The following EPN2 variants were observed in gnomAD, a reference collection of about 807,000 sequenced individuals.
The protein encoded by EPN2 is epsin-2.
Under a neutral mutation model 61.7 loss-of-function variants are expected in EPN2, and 34 were observed. That is an observed-to-expected ratio of 0.55 (90% CI 0.42 to 0.73). The LOEUF (loss-of-function observed/expected upper bound fraction) is 0.73, where lower values mean the gene tolerates loss of function less well. Ranked by LOEUF, EPN2 falls within the 30% of genes least tolerant of loss-of-function variation. The pLI is 0.00. For missense variants in EPN2, 714 were observed against 839.2 expected, an observed-to-expected ratio of 0.85 and a Z score of 1.84; for synonymous variants, 349 against 353.6, an observed-to-expected ratio of 0.99 and a Z score of 0.15.
At chr17:19,305,948 C>T (rs1905819829) in intron 4 of EPN2, 1 of 152,208 alleles carries the variant, frequency 6.6e-6, no homozygotes, top group African/African-American at 2.4e-5. Context: ...CCTGTGGTTA[C>T]AGTTCTTGAC....
chr17:19,243,581 G>A (rs1235275892), intron 1 of EPN2, among the ~76,000 whole-genome samples: 1 of 151,942 alleles, frequency 6.6e-6, no homozygotes, highest in Admixed American at 6.6e-5. Context: ...TTTTAATAGA[G>A]ATGGGGTTTC....
intron 1 of EPN2, among the ~76,000 whole-genome samples, chr17:19,267,220 G>T (rs369399265): frequency 6.6e-6 from 1 of 151,828 alleles, no homozygotes; most frequent in Non-Finnish European, 1.5e-5. Flanking sequence ...ATTGCCAGGG[G>T]CTGGGAGTGA....
At chr17:19,286,799 C>T (rs2045409360) in intron 4 of EPN2, among the ~76,000 whole-genome samples, 1 of 152,164 alleles carries the variant, frequency 6.6e-6, no homozygotes, top group Admixed American at 6.5e-5. Flanking sequence ...AGGATTTTGG[C>T]TTCTTCTAAA....
chr17:19,247,051 T>G (rs1356640360), intron 1 of EPN2, among the ~76,000 whole-genome samples: 1 of 151,888 alleles, frequency 6.6e-6, no homozygotes, highest in Non-Finnish European at 1.5e-5. Context: ...ATTACAGGCG[T>G]GAGCCACTGC....
chr17:19,276,773 G>GTTTTTCTTTTTTTTTTTTT (rs370693392), intron 1 of EPN2, among the ~76,000 whole-genome samples: 1 of 119,328 alleles, frequency 8.4e-6, no homozygotes, highest in African/African-American at 4.2e-5. Context: ...ATGAGAATAA[G>GTTTTTCTTTTTTTTTTTTT]TTTTTTTTTT....
intron 1 of EPN2, among the ~76,000 whole-genome samples, chr17:19,259,680 A>C (rs189229525): frequency 1.3e-5 from 2 of 150,290 alleles, no homozygotes; most frequent in East Asian, 3.9e-4. Context: ...TCTCTTTTAC[A>C]CTCTCCCTGT....
At position 19,328,828 on chromosome 17, in the gene EPN2, G is replaced by A; in HGVS notation, c.1265G>A (p.Gly422Glu). Residue 422 changes from glycine (G) to glutamate (E), a missense_variant, in exon 8 of 11, where the codon GGG becomes GAG. This residue lies in a region of EPN2 where 410 missense variants were observed against 421.8 expected (regional missense o/e 0.97). Transcript: ENST00000314728. ...TCACAGCAGCCTGCCTCCAGTGCTG[G>A]GAAAAGAGCTTCTGACGCGTGGGGC... The part of the protein sequence containing the change: ...AASQQPASSA[G>E]KRASDAWGAV... 2 of 1,613,572 alleles carry A rather than the reference G, an allele frequency of 1.2e-6. No individual in the cohort carries two copies. The highest frequency in any genetic ancestry group is 1.7e-6 in the Non-Finnish European group (2 of 1,179,688).
chr17:19,313,502 A>G, intron 7 of EPN2: 1 of 429,536 alleles, frequency 2.3e-6, no homozygotes, highest in East Asian at 3.6e-5. Flanking sequence ...CTTTGGGAGA[A>G]GGAAAGTCAA....
At chr17:19,317,520 T>C (rs1263062129) in intron 7 of EPN2, among the ~76,000 whole-genome samples, 1 of 152,162 alleles carries the variant, frequency 6.6e-6, no homozygotes, top group African/African-American at 2.4e-5. Context: ...CCCCGCGTTG[T>C]GACTGCCTCC....
intron 1 of EPN2, among the ~76,000 whole-genome samples, chr17:19,276,169 T>C (rs2045303061): frequency 6.6e-6 from 1 of 151,964 alleles, no homozygotes; most frequent in South Asian, 2.1e-4. Flanking sequence ...TTCCTGCAAA[T>C]AAAGTGGCCA....
At position 19,285,901 on chromosome 17, in the gene EPN2, G is replaced by A; in HGVS notation, c.766+111G>A. 7.1e-7 allele frequency: 1 copy of A among 1,403,064 alleles called. No homozygotes were observed. The highest frequency in any genetic ancestry group is 9.3e-7 in the Non-Finnish European group (1 of 1,072,416). 86.9% of individuals were successfully genotyped at this position (1,403,064 alleles called of 1,614,324 possible). A position where few individuals can be genotyped will look rare whatever the true frequency, so the allele number is the denominator to read the frequency against. The stretch of plus-strand genomic sequence containing the variant: ...TCTCCCTGTCTCCTCTGGGCCTGGG[G>A]GTTTGGCCTCCAGCAGGCCCAGGAG... On this transcript the variant is annotated intron_variant, in intron 4 of 10. Transcript: ENST00000314728. The surrounding 1 kb of genome is among the most constrained non-coding windows in gnomAD (Gnocchi z 4.5).
At chr17:19,312,223 G>C (rs978375710) in intron 6 of EPN2, 79 bp downstream of exon 6, 15 of 967,064 alleles carry the variant, frequency 1.6e-5, no homozygotes, top group Non-Finnish European at 2.5e-5. Context: ...AACTTGCCTG[G>C]ATGGCGTGAT....
At chr17:19,298,741 T>C (rs1303404348) in intron 4 of EPN2, among the ~76,000 whole-genome samples, 1 of 152,226 alleles carries the variant, frequency 6.6e-6, no homozygotes, top group South Asian at 2.1e-4. Context: ...ACTTGTAAAA[T>C]GGACGTAACC....
At chr17:19,329,231 A>G (rs946457349) in intron 8 of EPN2, 12 of 427,470 alleles carry the variant, frequency 2.8e-5, no homozygotes, top group Middle Eastern at 6.0e-4. Context: ...GTGACTTCCT[A>G]CAGACCCTCA....
At chr17:19,240,590 G>A (rs912884775) in intron 1 of EPN2, among the ~76,000 whole-genome samples, 20 of 152,186 alleles carry the variant, frequency 1.3e-4, no homozygotes, top group African/African-American at 4.6e-4. Flanking sequence ...GAGGAATTAC[G>A]TAGTTTGTAT....
chr17:19,295,023 A>T (rs2045501162), intron 4 of EPN2, among the ~76,000 whole-genome samples: 1 of 152,146 alleles, frequency 6.6e-6, no homozygotes, highest in Non-Finnish European at 1.5e-5. Context: ...TCCCATGGGA[A>T]GTAGGCCATA....
At chr17:19,262,658 A>G (rs2045154739) in intron 1 of EPN2, among the ~76,000 whole-genome samples, 1 of 140,626 alleles carries the variant, frequency 7.1e-6, no homozygotes, top group Non-Finnish European at 1.5e-5. Flanking sequence ...TGGCAACTGC[A>G]ATAAAGTTCA....
rs2045495064 is a variant in EPN2 at position 19,294,399 on chromosome 17, G to GAC, written c.766+8611_766+8612dup. Among the ~76,000 whole-genome samples, 3 of 152,214 alleles carry GAC rather than the reference G, an allele frequency of 2.0e-5. No homozygotes were observed. The South Asian group carries it at 6.2e-4, about 31-fold the overall frequency. ...TGTGCCACTGCATTCTAGCCTGGGT[G>GAC]ACAAAGCGAGACCCTTTCTCAAAAG... On this transcript the variant is annotated intron_variant, in intron 4 of 10. Transcript: ENST00000314728.
rs138826863 is a variant in EPN2, at chr17:19,325,161, T to C, written c.1148-3550T>C. Among the ~76,000 whole-genome samples the C allele has an allele frequency of 3.6e-3, 556 of 152,340 alleles. 4 individuals carry two copies. The highest frequency in any genetic ancestry group is 0.013 in the African/African-American group (521 of 41,578). On this transcript the variant is annotated intron_variant, in intron 7 of 10. Transcript: ENST00000314728. ...CCACCCAGAGGGCTTTGCTAGTAAG[T>C]ACTAACAATATTCAAGAAACAATCC...
Sources: allele counts gnomAD v4.1 joint callset (sites outside exome capture counted in the v4.1 genomes callset), GRCh38; gene constraint gnomAD v4.1.1; regional missense constraint gnomAD v4.1.1; non-coding constraint Gnocchi (gnomAD v3.1); transcripts MANE v1.5; gene names NCBI Gene and HGNC (gene_info 2026-07-23, HGNC 2026-07-21).